The following MNAT1 variants were observed in gnomAD, a reference collection of about 807,000 sequenced individuals.
MNAT1 encodes MNAT1 component of CDK activating kinase, also known as CDK-activating kinase assembly factor MAT1.
MNAT1 carries 43 observed loss-of-function variants against 42.0 expected under a neutral mutation model. The ratio of observed to expected loss-of-function variants is 1.02; its 90% CI spans 0.80 to 1.32. The LOEUF is 1.32. Ranked by LOEUF, MNAT1 falls within the 40% of genes most tolerant of loss-of-function variation. The pLI is 0.00. For synonymous variants in MNAT1, 118 were observed against 120.0 expected (o/e 0.98, Z 0.11); for missense variants, 306 against 350.4 (o/e 0.87, Z 1.01).
At chr14:60,921,788 A>T (rs2035666836) in intron 7 of MNAT1, among the ~76,000 whole-genome samples, 1 of 152,234 alleles carries the variant, frequency 6.6e-6, no homozygotes, top group South Asian at 2.1e-4. Context: ...ATGTAAAAAC[A>T]TAAATCCTAA....
intron 1 of MNAT1, among the ~76,000 whole-genome samples, chr14:60,770,725 ATGGTTGCGTT>A (rs2031019190): frequency 6.6e-6 from 1 of 152,162 alleles, no homozygotes; most frequent in South Asian, 2.1e-4. Flanking sequence ...GCTTTCCAAA[ATGGTTGCGTT>A]ATTTTATATT....
chr14:60,750,787 C>CA (rs1321858731), intron 1 of MNAT1, among the ~76,000 whole-genome samples: 1 of 152,066 alleles, frequency 6.6e-6, no homozygotes, highest in Non-Finnish European at 1.5e-5. Flanking sequence ...AAGTTAGCAT[C>CA]AGGGGAACAA....
Position 60,877,272 on chromosome 14 carries a change from G to A in MNAT1, c.688-2442G>A, listed in dbSNP as rs575032210. ...GGTGAAATCTCTGTTCAAATCCTTC[G>A]CCTGTTTTTGGTGAAGTACTTTTGA... On this transcript the variant is annotated intron_variant, in intron 6 of 7. Coordinates refer to ENST00000261245, the MANE Select transcript of MNAT1 (RefSeq NM_002431.4). 5.7e-4 allele frequency among the ~76,000 whole-genome samples: 86 copies of A among 151,856 alleles called. 2 individuals are homozygous for A. The South Asian group carries it at 0.017, about 31-fold the overall frequency.
At chr14:60,900,978 G>A (rs2035060433) in intron 7 of MNAT1, among the ~76,000 whole-genome samples, 1 of 129,568 alleles carries the variant, frequency 7.7e-6, no homozygotes, top group African/African-American at 2.8e-5. Flanking sequence ...ACCCTGAGCT[G>A]GAGTGTAGTG....
intron 6 of MNAT1, among the ~76,000 whole-genome samples, chr14:60,840,579 A>G (rs574214287): frequency 6.6e-6 from 1 of 152,336 alleles, no homozygotes; most frequent in African/African-American, 2.4e-5. Context: ...CCTTGATCCC[A>G]GTCCTTATAC....
At chr14:60,876,210 T>G (rs2034433104) in intron 6 of MNAT1, among the ~76,000 whole-genome samples, 1 of 152,124 alleles carries the variant, frequency 6.6e-6, no homozygotes, top group Non-Finnish European at 1.5e-5. Context: ...ATCATTGGTC[T>G]GAAATTGGAT....
At chr14:60,809,969 A>G (rs1302287127) in intron 4 of MNAT1, among the ~76,000 whole-genome samples, 2 of 152,088 alleles carry the variant, frequency 1.3e-5, no homozygotes, top group African/African-American at 4.8e-5. Context: ...AGAATTCACC[A>G]CTGCCGCTTT....
intron 6 of MNAT1, among the ~76,000 whole-genome samples, chr14:60,876,083 A>G (rs995522703): frequency 6.6e-6 from 1 of 152,014 alleles, no homozygotes; most frequent in Non-Finnish European, 1.5e-5. Flanking sequence ...ATCAAATGGC[A>G]GGAGAATTTA....
intron 5 of MNAT1, among the ~76,000 whole-genome samples, chr14:60,813,668 CTA>C (rs1296447289): frequency 2.6e-5 from 4 of 152,254 alleles, no homozygotes; most frequent in Admixed American, 2.6e-4. Context: ...CTGGGGAAAA[CTA>C]TGTTTTTCTA....
intron 6 of MNAT1, among the ~76,000 whole-genome samples, chr14:60,877,034 C>A (rs1160758702): frequency 6.6e-6 from 1 of 151,948 alleles, no homozygotes; most frequent in Non-Finnish European, 1.5e-5. Flanking sequence ...GCAGCTATAC[C>A]GTTTTACATT....
chr14:60,944,256 C>G (rs775150267), intron 7 of MNAT1, among the ~76,000 whole-genome samples: 2 of 152,192 alleles, frequency 1.3e-5, no homozygotes, highest in East Asian at 1.9e-4. Flanking sequence ...TATCAGAGAT[C>G]GTAAGTTTCT....
chr14:60,898,544 G>A (rs537292733), intron 7 of MNAT1, among the ~76,000 whole-genome samples: 1 of 152,028 alleles, frequency 6.6e-6, no homozygotes, highest in East Asian at 1.9e-4. Context: ...TATACCTGTT[G>A]GCATTTGTAT....
rs979475003 is a variant in MNAT1, at chr14:60,740,308, T to C, written c.89+5357T>C. ...CATCTTGATATATAAAGGCAATGTT[T>C]TGTGATAGTTACTTAACATCTTTCT... is the stretch of plus-strand genomic sequence containing the variant. On this transcript the variant is annotated intron_variant, in intron 1 of 7. Transcript: ENST00000261245. The surrounding 1 kb of genome is among the most constrained non-coding windows in gnomAD (Gnocchi z 4.1). Among the ~76,000 whole-genome samples, 2 of 152,244 alleles carry C rather than the reference T, an allele frequency of 1.3e-5. No homozygotes were observed. Among genetic ancestry groups the C allele is most frequent in the Admixed American group, 1.3e-4 (2 of 15,282 alleles).
At chr14:60,747,981 G>T (rs2029905346) in intron 1 of MNAT1, among the ~76,000 whole-genome samples, 1 of 152,146 alleles carries the variant, frequency 6.6e-6, no homozygotes, top group African/African-American at 2.4e-5. Context: ...CGGATCATGA[G>T]GTCAGGAGAT....
chr14:60,951,203 A>T (rs1273796266), intron 7 of MNAT1, among the ~76,000 whole-genome samples: 1 of 151,478 alleles, frequency 6.6e-6, no homozygotes, highest in Non-Finnish European at 1.5e-5. Context: ...TCTAAACTTA[A>T]TATCTTTCCT....
chr14:60,759,249 A>G (rs760333863), intron 1 of MNAT1, among the ~76,000 whole-genome samples: 4 of 152,190 alleles, frequency 2.6e-5, no homozygotes, highest in Non-Finnish European at 5.9e-5. Context: ...TTAGCTTATC[A>G]TGTAAAGATT....
At chr14:60,941,042 T>C (rs1016510016) in intron 7 of MNAT1, among the ~76,000 whole-genome samples, 18 of 152,362 alleles carry the variant, frequency 1.2e-4, no homozygotes, top group South Asian at 1.0e-3. Flanking sequence ...ATGCCTGTGT[T>C]AAGTATTGGT....
chr14:60,954,582 A>G (rs1358889702), intron 7 of MNAT1, among the ~76,000 whole-genome samples: 5 of 152,162 alleles, frequency 3.3e-5, no homozygotes, highest in Non-Finnish European at 7.4e-5. Context: ...TAATTTCTGT[A>G]TGCTGATTTT....
chr14:60,936,425 TG>T (rs1291144397), intron 7 of MNAT1, among the ~76,000 whole-genome samples: 17 of 123,286 alleles, frequency 1.4e-4, no homozygotes, highest in African/African-American at 5.0e-4. Context: ...TTCCCCTTCC[TG>T]TGTCCGTGTG....
Sources: gnomAD v4.1 joint callset for allele counts (sites outside exome capture counted in the v4.1 genomes callset) on GRCh38, gnomAD v4.1.1 for gene constraint, Gnocchi (gnomAD v3.1) non-coding constraint, MANE v1.5 for transcripts, NCBI Gene and HGNC (gene_info 2026-07-23, HGNC 2026-07-21) for gene names.